The following ACAP2 variants were observed in gnomAD, a reference collection of about 807,000 sequenced individuals.
The protein encoded by ACAP2 is arf-GAP with coiled-coil, ANK repeat and PH domain-containing protein 2.
In ACAP2, 39 loss-of-function variants were observed where a neutral mutation model predicts 115.8. That is an observed-to-expected ratio of 0.34 (90% CI 0.26 to 0.44). The LOEUF (loss-of-function observed/expected upper bound fraction) is 0.44, where lower values mean the gene tolerates loss of function less well. Among genes scored for constraint, ACAP2 ranks in the 20% least tolerant of loss-of-function variants. ACAP2 has a pLI of 1.00. For missense variants in ACAP2, 662 were observed against 927.6 expected (o/e 0.71, Z 3.72); for synonymous variants, 289 against 315.8 (o/e 0.92, Z 0.90).
At chr3:195,382,153 G>A (rs565281903) in intron 2 of ACAP2, 131 bp from the exon 3 acceptor site, 2 of 801,640 alleles carry the variant, frequency 2.5e-6, no homozygotes, top group South Asian at 1.8e-5. Context: ...ACTCAAAACA[G>A]ACTAATTGAA....
At chr3:195,346,148 T>C (rs1169854479) in intron 4 of ACAP2, among the ~76,000 whole-genome samples, 2 of 152,202 alleles carry the variant, frequency 1.3e-5, no homozygotes, top group East Asian at 3.8e-4. Flanking sequence ...CCCAGGAATC[T>C]GGACTTTTCA....
At chr3:195,407,824 G>C (rs1712916711) in intron 1 of ACAP2, among the ~76,000 whole-genome samples, 1 of 151,900 alleles carries the variant, frequency 6.6e-6, no homozygotes, top group Admixed American at 6.6e-5. Context: ...AAATATAAAA[G>C]AAACAGAAAG....
intron 1 of ACAP2, among the ~76,000 whole-genome samples, chr3:195,397,424 CCTCT>C (rs923580225): frequency 4.1e-4 from 62 of 152,070 alleles, no homozygotes; most frequent in African/African-American, 1.4e-3. Context: ...GAGATTACTC[CCTCT>C]GTTTTCGACC....
At chr3:195,412,717 T>C in intron 1 of ACAP2, 1 of 262,522 alleles carries the variant, frequency 3.8e-6, no homozygotes, top group Non-Finnish European at 8.0e-6. Context: ...CTTTGTAAAA[T>C]CAGTCTTGAA....
At chr3:195,369,392 T>G (rs1384192798) in intron 4 of ACAP2, among the ~76,000 whole-genome samples, 2 of 152,168 alleles carry the variant, frequency 1.3e-5, no homozygotes, top group African/African-American at 4.8e-5. Flanking sequence ...ACTTGATAAG[T>G]TATTTTTTTC....
intron 6 of ACAP2, among the ~76,000 whole-genome samples, chr3:195,338,792 C>T (rs898352958): frequency 5.9e-5 from 9 of 152,104 alleles, no homozygotes; most frequent in African/African-American, 2.2e-4. Context: ...ATCATTCACT[C>T]TTTGCCAATA....
intron 19 of ACAP2, 145 bp from the exon 20 acceptor site, chr3:195,291,960 G>C: frequency 2.9e-6 from 2 of 679,214 alleles, no homozygotes; most frequent in Non-Finnish European, 4.6e-6. Flanking sequence ...CCTCAGCCAA[G>C]GCAGAGAAAT....
At chr3:195,379,780 G>C (rs1733825053) in intron 4 of ACAP2, among the ~76,000 whole-genome samples, 1 of 152,100 alleles carries the variant, frequency 6.6e-6, no homozygotes, top group African/African-American at 2.4e-5. Context: ...CTCCAGTCTG[G>C]GTGACAGAGT....
intron 1 of ACAP2, among the ~76,000 whole-genome samples, chr3:195,402,639 G>A (rs1359567821): frequency 1.3e-5 from 2 of 152,122 alleles, no homozygotes; most frequent in Non-Finnish European, 2.9e-5. Flanking sequence ...CAGGAGCTAA[G>A]GAGGTATTCG....
chr3:195,280,472 A>G (rs1726425022), intron 22 of ACAP2, among the ~76,000 whole-genome samples: 1 of 152,160 alleles, frequency 6.6e-6, no homozygotes, highest in Admixed American at 6.5e-5. Flanking sequence ...ACTCTGTTTC[A>G]ATAAAAAATA....
At chr3:195,311,737 A>G (rs2109001549) in intron 10 of ACAP2, among the ~76,000 whole-genome samples, 1 of 151,986 alleles carries the variant, frequency 6.6e-6, no homozygotes, top group African/African-American at 2.4e-5. Context: ...GGGTTTCGCC[A>G]TGTTGGCCAA....
At chr3:195,301,780 G>A (rs1728075348) in intron 14 of ACAP2, 136 bp from the exon 15 acceptor site, 1 of 1,117,200 alleles carries the variant, frequency 9.0e-7, no homozygotes, top group East Asian at 2.4e-5. Context: ...GTTTAATAAT[G>A]AATGATGAAC....
intron 1 of ACAP2, among the ~76,000 whole-genome samples, chr3:195,427,964 T>C (rs1379413820): frequency 6.8e-6 from 1 of 147,032 alleles, no homozygotes; most frequent in East Asian, 2.3e-4. Flanking sequence ...TATGTATACA[T>C]ACACACACAC....
At chr3:195,360,332 T>A (rs4677831) in intron 4 of ACAP2, among the ~76,000 whole-genome samples, 18 of 152,302 alleles carry the variant, frequency 1.2e-4, no homozygotes, top group South Asian at 1.0e-3. Context: ...ATAACAAGTA[T>A]AATTATATAT....
At chr3:195,331,544 C>A (rs993545809) in intron 8 of ACAP2, among the ~76,000 whole-genome samples, 2 of 151,752 alleles carry the variant, frequency 1.3e-5, no homozygotes, top group African/African-American at 2.4e-5. Flanking sequence ...AACTCCTGGC[C>A]TCATGTAATC....
intron 4 of ACAP2, among the ~76,000 whole-genome samples, chr3:195,362,519 T>TA (rs1311986255): frequency 6.6e-6 from 1 of 151,824 alleles, no homozygotes; most frequent in Non-Finnish European, 1.5e-5. Flanking sequence ...CAGAGATGCA[T>TA]AAAAAATAAC....
At chr3:195,313,506 T>C (rs12489090) in intron 10 of ACAP2, among the ~76,000 whole-genome samples, 3,286 of 152,330 alleles carry the variant, frequency 0.022, 116 homozygotes, top group East Asian at 0.1. Context: ...TTCTCCCAAT[T>C]GCCCATCCCG....
At chr3:195,308,987 A>C (rs1251635799) in intron 10 of ACAP2, 150 bp from the exon 11 acceptor site, 5 of 677,470 alleles carry the variant, frequency 7.4e-6, no homozygotes, top group Non-Finnish European at 1.2e-5. Flanking sequence ...ATATAAACTG[A>C]TTCTAACATG....
Position 195,437,542 on chromosome 3 carries a change from G to A in ACAP2, c.53+5253C>T, listed in dbSNP as rs530596730. ...TTTTAAAACATTTTTGAGTCTGGTCGAGGTGGCTCACACCTGCAATCCCAG... is the reference window on the plus strand; with the variant it reads ...TTTTAAAACATTTTTGAGTCTGGTCAAGGTGGCTCACACCTGCAATCCCAG... On this transcript the variant is annotated intron_variant, in intron 1 of 22. Coordinates refer to ENST00000326793, the MANE Select transcript of ACAP2 (RefSeq NM_012287.6). 8.5e-4 allele frequency among the ~76,000 whole-genome samples: 130 copies of A among 152,152 alleles called. 1 individual carries two copies. Among genetic ancestry groups the A allele is most frequent in the African/African-American group, 2.9e-3 (120 of 41,524 alleles).
Sources: allele counts gnomAD v4.1 joint callset (sites outside exome capture counted in the v4.1 genomes callset), GRCh38; gene constraint gnomAD v4.1.1; transcripts MANE v1.5; gene names NCBI Gene and HGNC (gene_info 2026-07-23, HGNC 2026-07-21).